Variants in ERAP1 observed in about 807,000 individuals in gnomAD.
The protein encoded by ERAP1 is endoplasmic reticulum aminopeptidase 1.
ERAP1 carries 86 observed loss-of-function variants against 103.7 expected under a neutral mutation model. That is an observed-to-expected ratio of 0.83 (90% CI 0.70 to 0.99). The LOEUF is 0.99. Among genes scored for constraint, ERAP1 ranks in the 50% least tolerant of loss-of-function variants. The pLI, the probability that ERAP1 is intolerant of heterozygous loss-of-function variation, is 0.00. For missense variants in ERAP1, 1,009 were observed against 1,128.4 expected (o/e 0.89, Z 1.52); for synonymous variants, 398 against 402.4 (o/e 0.99, Z 0.13).
chr5:96,836,618 A>C, the ERAP1 span, among the ~76,000 whole-genome samples: 1 of 152,386 alleles, frequency 6.6e-6, no homozygotes, highest in African/African-American at 2.4e-5. Context: ...GAGTTCAAAT[A>C]ATTGAGTGAC....
intron 4 of ERAP1, 99 bp from the exon 5 acceptor site, chr5:96,795,261 A>C (rs1241821137): frequency 2.0e-6 from 3 of 1,485,928 alleles, no homozygotes; most frequent in Non-Finnish European, 2.8e-6. Flanking sequence ...ATTGTGGGAT[A>C]TGGTTGCCAA....
the ERAP1 span, among the ~76,000 whole-genome samples, chr5:96,886,067 C>T: frequency 1.3e-5 from 2 of 152,224 alleles, no homozygotes; most frequent in South Asian, 2.1e-4. Flanking sequence ...TGGAGTCACA[C>T]GGTCACATCC....
the ERAP1 span, among the ~76,000 whole-genome samples, chr5:96,858,826 G>T: frequency 6.6e-6 from 1 of 152,058 alleles, no homozygotes; most frequent in African/African-American, 2.4e-5. Flanking sequence ...CCCAGCAAAG[G>T]AATAAAAGTG....
At chr5:96,850,925 C>T in the ERAP1 span, among the ~76,000 whole-genome samples, 7,271 of 152,182 alleles carry the variant, frequency 0.048, 212 homozygotes, top group South Asian at 0.11. Flanking sequence ...CTCCCTTACA[C>T]GTTAACATCC....
At chr5:96,879,645 A>G in the ERAP1 span, 4 of 1,561,164 alleles carry the variant, frequency 2.6e-6, no homozygotes, top group East Asian at 9.0e-5. Context: ...GAACTACGAG[A>G]TTAGCCTGGA....
rs1430489304 is a variant in ERAP1, at chr5:96,775,369, T to TGTCA, written c.*1023_*1026dup. The stretch of plus-strand genomic sequence containing the variant: ...TTTATTGGTGACTGCAATAATTTAC[T>TGTCA]GTCAGTAAATGCCAATAACTAGTTA... On this transcript the variant is annotated 3_prime_UTR_variant, in exon 19 of 19. Coordinates refer to ENST00000443439, the MANE Select transcript of ERAP1 (RefSeq NM_001040458.3). The TGTCA allele has an allele frequency of 9.1e-6, 9 of 984,572 alleles. No individual in the cohort carries two copies. The South Asian group carries it at 2.4e-4, about 26-fold the overall frequency. The allele number at this position is 984,572 out of a possible 1,614,324, so 61.0% of individuals were successfully genotyped here.
the ERAP1 span, among the ~76,000 whole-genome samples, chr5:96,858,535 C>T: frequency 6.6e-6 from 1 of 152,126 alleles, no homozygotes; most frequent in Non-Finnish European, 1.5e-5. Context: ...TGCCCGATAA[C>T]CTTGAACTAA....
chr5:96,934,615 A>C, the ERAP1 span: 3 of 152,278 alleles, frequency 2.0e-5, no homozygotes, highest in Non-Finnish European at 4.4e-5. Flanking sequence ...GGGATGTAAT[A>C]ACAACAGGCA....
chr5:96,794,945 G>T, intron 5 of ERAP1, 97 bp downstream of exon 5: 1 of 1,451,550 alleles, frequency 6.9e-7, no homozygotes, highest in East Asian at 2.5e-5. Context: ...TGGCTTGAGG[G>T]GCTGCTGAGG....
chr5:96,812,773 T>C (rs1779226522), upstream of ERAP1, among the ~76,000 whole-genome samples: 1 of 152,238 alleles, frequency 6.6e-6, no homozygotes, highest in Admixed American at 6.5e-5. Flanking sequence ...TGAAGTTCTG[T>C]AAAGTATATA....
chr5:96,859,599 T>C, the ERAP1 span, among the ~76,000 whole-genome samples: 2 of 152,160 alleles, frequency 1.3e-5, no homozygotes, highest in African/African-American at 4.8e-5. Flanking sequence ...AGAGGCTAGA[T>C]CCTGCCTTGG....
the ERAP1 span, among the ~76,000 whole-genome samples, chr5:96,842,147 A>C: frequency 6.6e-6 from 1 of 152,166 alleles, no homozygotes; most frequent in Non-Finnish European, 1.5e-5. Flanking sequence ...GTAGTATTCC[A>C]TGGTATATGT....
the ERAP1 span, among the ~76,000 whole-genome samples, chr5:96,841,587 C>T: frequency 2.0e-5 from 3 of 152,142 alleles, no homozygotes; most frequent in Non-Finnish European, 4.4e-5. Flanking sequence ...ATCTTGAGTT[C>T]CTGCAAGGGA....
chr5:96,772,293 T>C, downstream of ERAP1: 1 of 153,756 alleles, frequency 6.5e-6, no homozygotes, highest in Non-Finnish European at 1.5e-5. Flanking sequence ...AACTGGGCCC[T>C]TATCTTAATC....
the ERAP1 span, chr5:96,909,640 T>C: frequency 6.2e-7 from 1 of 1,614,186 alleles, no homozygotes; most frequent in Non-Finnish European, 8.5e-7. Context: ...TGACAAGGGC[T>C]CAGTCTGGGA....
At chr5:96,863,125 A>C in the ERAP1 span, among the ~76,000 whole-genome samples, 1 of 151,676 alleles carries the variant, frequency 6.6e-6, no homozygotes, top group African/African-American at 2.4e-5. Context: ...CTCTAAATCC[A>C]CCACTGTGCC....
chr5:96,784,336 A>C (rs1414948594), intron 13 of ERAP1, among the ~76,000 whole-genome samples: 1 of 152,130 alleles, frequency 6.6e-6, no homozygotes, highest in Non-Finnish European at 1.5e-5. Context: ...CTCTACTAAA[A>C]ATACATAAAA....
At chr5:96,862,292 A>G in the ERAP1 span, among the ~76,000 whole-genome samples, 1 of 152,168 alleles carries the variant, frequency 6.6e-6, no homozygotes, top group Admixed American at 6.6e-5. Context: ...CCCAGTCTAA[A>G]TCAATCTTTA....
At chr5:96,818,287 A>G in the ERAP1 span, among the ~76,000 whole-genome samples, 2 of 152,162 alleles carry the variant, frequency 1.3e-5, no homozygotes, top group African/African-American at 4.8e-5. Context: ...CTGTAAATGA[A>G]TAATCACACT....
Sources: allele counts gnomAD v4.1 joint callset (sites outside exome capture counted in the v4.1 genomes callset), GRCh38; gene constraint gnomAD v4.1.1; transcripts MANE v1.5; gene names NCBI Gene and HGNC (gene_info 2026-07-23, HGNC 2026-07-21).